Variants in NRXN1 observed in about 807,000 individuals in gnomAD.
NRXN1 encodes the protein neurexin 1, also known as neurexin-1.
A neutral mutation model predicts 150.9 loss-of-function variants in NRXN1; 39 were observed. The ratio of observed to expected loss-of-function variants is 0.26; its 90% confidence interval spans 0.20 to 0.34. The LOEUF is 0.34. NRXN1 is among the 10% of genes least tolerant of loss of function. NRXN1 has a pLI of 1.00. For missense variants in NRXN1, 1,815 were observed against 1,949.9 expected, an observed-to-expected ratio of 0.93 and a Z score of 1.30; for synonymous variants, 924 against 757.0, an observed-to-expected ratio of 1.22 and a Z score of -3.62.
chr2:50,810,305 C>T (rs1341902604), intron 5 of NRXN1, among the ~76,000 whole-genome samples: 1 of 152,124 alleles, frequency 6.6e-6, no homozygotes, highest in African/African-American at 2.4e-5. Flanking sequence ...GGCTTCAAAC[C>T]TTTCAAAATC....
At chr2:50,137,400 G>C (rs570646642) in intron 18 of NRXN1, among the ~76,000 whole-genome samples, 2 of 152,140 alleles carry the variant, frequency 1.3e-5, no homozygotes, top group South Asian at 4.2e-4. Context: ...GACCAGTCTA[G>C]GGAAAGTTCA....
chr2:50,365,068 T>G (rs1235472613), intron 17 of NRXN1, among the ~76,000 whole-genome samples: 1 of 152,068 alleles, frequency 6.6e-6, no homozygotes, highest in Non-Finnish European at 1.5e-5. Flanking sequence ...AAGCAAAAGA[T>G]AATTAGCTTA....
chr2:50,058,733 T>A (rs1355678917), intron 19 of NRXN1, among the ~76,000 whole-genome samples: 1 of 152,016 alleles, frequency 6.6e-6, no homozygotes, highest in East Asian at 1.9e-4. Context: ...TGGGGGTGGG[T>A]TTTTCCCATG....
intron 18 of NRXN1, among the ~76,000 whole-genome samples, chr2:50,094,646 G>C (rs141891354): frequency 1.5e-4 from 23 of 151,944 alleles, no homozygotes; most frequent in African/African-American, 4.6e-4. Flanking sequence ...ATTAGGGTTT[G>C]TTAGGACAAA....
chr2:50,137,318 G>T (rs1336830168), intron 18 of NRXN1, among the ~76,000 whole-genome samples: 1 of 152,036 alleles, frequency 6.6e-6, no homozygotes, highest in Admixed American at 6.6e-5. Context: ...ACTCTTAGTT[G>T]GTGAGCATCT....
chr2:50,104,568 G>A (rs1299952281), intron 18 of NRXN1, among the ~76,000 whole-genome samples: 1 of 152,026 alleles, frequency 6.6e-6, no homozygotes, highest in East Asian at 1.9e-4. Flanking sequence ...TGATAATGAT[G>A]ATGATAGCCA....
intron 17 of NRXN1, among the ~76,000 whole-genome samples, chr2:50,333,778 T>C (rs2076982558): frequency 6.6e-6 from 1 of 151,838 alleles, no homozygotes; most frequent in Admixed American, 6.6e-5. Flanking sequence ...AAGCACTTGA[T>C]TGATTGGTCT....
intron 5 of NRXN1, among the ~76,000 whole-genome samples, chr2:50,726,977 A>G (rs1697438449): frequency 6.6e-6 from 1 of 152,158 alleles, no homozygotes; most frequent in Non-Finnish European, 1.5e-5. Context: ...ATATGGCCAG[A>G]AAGAGTCAGG....
intron 9 of NRXN1, among the ~76,000 whole-genome samples, chr2:50,551,071 A>AGAC (rs1363211310): frequency 7.6e-6 from 1 of 131,030 alleles, no homozygotes; most frequent in Non-Finnish European, 1.6e-5. Context: ...AAGAAGAAGA[A>AGAC]GAAGAGGAGG....
chr2:50,638,957 A>C (rs766057723), intron 5 of NRXN1, among the ~76,000 whole-genome samples: 1 of 152,064 alleles, frequency 6.6e-6, no homozygotes, highest in Non-Finnish European at 1.5e-5. Flanking sequence ...ACACTCTTCT[A>C]CTTGTGATAG....
chr2:50,618,696 A>G (rs1679444343), intron 8 of NRXN1, among the ~76,000 whole-genome samples: 1 of 151,576 alleles, frequency 6.6e-6, no homozygotes, highest in East Asian at 1.9e-4. Context: ...ATGTCTACCT[A>G]TTTTGTGAGG....
chr2:50,547,477 G>C (rs892024615), intron 9 of NRXN1: 4 of 152,118 alleles, frequency 2.6e-5, no homozygotes, highest in African/African-American at 9.7e-5. Flanking sequence ...TACCTGGGCA[G>C]CTGTTTTGTG....
At position 50,529,924 on chromosome 2, in the gene NRXN1, C is replaced by T. The variant is rs902294573; in HGVS notation, c.2348-1273G>A. ...AATATTAATTAAATATGATTATATG[C>T]AATAAGATACCAATGGGATAATTTT... On this transcript the variant is annotated intron_variant, in intron 11 of 22. Coordinates refer to ENST00000401669, the MANE Select transcript of NRXN1 (RefSeq NM_001330078.2). Among the ~76,000 whole-genome samples, 6 of 152,036 alleles carry T rather than the reference C, an allele frequency of 3.9e-5. 1 individual carries two copies. Among genetic ancestry groups the T allele is most frequent in the Non-Finnish European group, 7.4e-5 (5 of 68,020 alleles).
At chr2:50,795,176 G>C (rs1283738916) in intron 5 of NRXN1, among the ~76,000 whole-genome samples, 1 of 152,052 alleles carries the variant, frequency 6.6e-6, no homozygotes, top group Non-Finnish European at 1.5e-5. Context: ...AGCATCAGGA[G>C]TTTTTTAACT....
intron 18 of NRXN1, among the ~76,000 whole-genome samples, chr2:50,092,140 A>G (rs972443770): frequency 6.6e-6 from 1 of 152,198 alleles, no homozygotes; most frequent in African/African-American, 2.4e-5. Flanking sequence ...ACTAAAATTC[A>G]TTTCCCTTAT....
rs990263228 is a variant in NRXN1 at position 50,081,872 on chromosome 2, G to A, written c.3718+9451C>T. Among the ~76,000 whole-genome samples the A allele has an allele frequency of 1.1e-4, 17 of 151,810 alleles. 1 individual carries two copies. The highest frequency in any genetic ancestry group is 4.1e-4 in the African/African-American group (17 of 41,358). The stretch of plus-strand genomic sequence containing the variant: ...CGAGAAAGGCTTGTCATTGAGTTGG[G>A]AATGTGACTTCTTCTTCCATTAAAG... On this transcript the variant is annotated intron_variant, in intron 19 of 22. Coordinates refer to ENST00000401669, the MANE Select transcript of NRXN1 (RefSeq NM_001330078.2).
chr2:50,578,395 T>C (rs534736175), intron 8 of NRXN1, among the ~76,000 whole-genome samples: 4 of 152,278 alleles, frequency 2.6e-5, no homozygotes, highest in East Asian at 3.9e-4. Flanking sequence ...AGCAAGCCCA[T>C]AACTTTTTAA....
rs3046671 is a variant in NRXN1, at chr2:50,086,821, T to TGAGA, written c.3718+4498_3718+4501dup. Among the ~76,000 whole-genome samples the TGAGA allele has an allele frequency of 4.3e-3, 610 of 142,816 alleles. 6 individuals carry two copies. The highest frequency in any genetic ancestry group is 0.027 in the East Asian group (128 of 4,740). The allele number at this position is 142,816 out of a possible 152,430, so 93.7% of individuals were successfully genotyped here. A position where few individuals can be genotyped will look rare whatever the true frequency, so the allele number is the denominator to read the frequency against. ...AGAGAGGGGGAGAGGCAGAGAAGAA[T>TGAGA]GAGAGAGAGAGAGAGAGAGAGAGAG... On this transcript the variant is annotated intron_variant, in intron 19 of 22. Transcript: ENST00000401669.
chr2:50,245,406 C>T (rs1376392793), intron 17 of NRXN1, among the ~76,000 whole-genome samples: 1 of 151,948 alleles, frequency 6.6e-6, no homozygotes, highest in East Asian at 1.9e-4. Flanking sequence ...CTTATGTCTT[C>T]CCTTCTGAAA....
Sources: allele counts gnomAD v4.1 joint callset (sites outside exome capture counted in the v4.1 genomes callset), GRCh38; gene constraint gnomAD v4.1.1; transcripts MANE v1.5; gene names NCBI Gene and HGNC (gene_info 2026-07-23, HGNC 2026-07-21).